Variants in EBF2 observed in about 807,000 individuals in gnomAD.
EBF2 encodes the protein EBF transcription factor 2.
A neutral mutation model predicts 72.8 loss-of-function variants in EBF2; 21 were observed. That is an observed-to-expected ratio of 0.29 (90% CI 0.20 to 0.42). The LOEUF (loss-of-function observed/expected upper bound fraction) is 0.42. Among genes scored for constraint, EBF2 ranks in the 10% least tolerant of loss-of-function variants. The probability of loss-of-function intolerance (pLI) is 1.00; values close to 1 mark genes in which losing one functional copy is unlikely to be tolerated. For synonymous variants in EBF2, 299 were observed against 274.2 expected (o/e 1.09, Z -0.89); for missense variants, 637 against 731.2 (o/e 0.87, Z 1.49).
At chr8:25,864,104 C>T (rs1802260494) in intron 10 of EBF2, among the ~76,000 whole-genome samples, 1 of 152,072 alleles carries the variant, frequency 6.6e-6, no homozygotes, top group South Asian at 2.1e-4. Context: ...TTGTGCATAA[C>T]TTTAATTATT....
chr8:26,034,015 C>G (rs189057988), intron 5 of EBF2, among the ~76,000 whole-genome samples: 1 of 151,962 alleles, frequency 6.6e-6, no homozygotes, highest in Admixed American at 6.6e-5. Context: ...GATTGATATT[C>G]AATGATTTTA....
At chr8:25,844,787 T>G in intron 15 of EBF2, 147 bp from the exon 16 acceptor site, 1 of 1,018,784 alleles carries the variant, frequency 9.8e-7, no homozygotes, top group Non-Finnish European at 1.5e-6. Context: ...GGACCTGTTC[T>G]CCAGGTTTGG....
At chr8:25,998,633 G>A (rs1393990497) in intron 6 of EBF2, among the ~76,000 whole-genome samples, 1 of 152,148 alleles carries the variant, frequency 6.6e-6, no homozygotes, top group Non-Finnish European at 1.5e-5. Context: ...GTCATTTAAT[G>A]TCATTTTATG....
At chr8:25,986,090 G>T (rs1330077708) in intron 6 of EBF2, among the ~76,000 whole-genome samples, 1 of 147,172 alleles carries the variant, frequency 6.8e-6, no homozygotes, top group African/African-American at 2.5e-5. Context: ...CTTAAGATAT[G>T]CATTTATTTG....
At chr8:25,932,478 C>A (rs1296788269) in intron 6 of EBF2, among the ~76,000 whole-genome samples, 1 of 151,852 alleles carries the variant, frequency 6.6e-6, no homozygotes, top group Non-Finnish European at 1.5e-5. Flanking sequence ...TTTGTGTTTT[C>A]ATCCTCGTTG....
intron 6 of EBF2, among the ~76,000 whole-genome samples, chr8:25,913,907 C>T (rs564947803): frequency 6.6e-6 from 1 of 152,334 alleles, no homozygotes; most frequent in South Asian, 2.1e-4. Context: ...AATTGAGTTT[C>T]ATTGTTTGTG....
chr8:25,874,832 A>G (rs1802494112), intron 10 of EBF2, among the ~76,000 whole-genome samples: 2 of 147,218 alleles, frequency 1.4e-5, no homozygotes, highest in East Asian at 4.0e-4. Flanking sequence ...CTACAAGCCC[A>G]TGCCCCACCA....
chr8:25,914,473 G>A (rs1397146347), intron 6 of EBF2, among the ~76,000 whole-genome samples: 2 of 152,172 alleles, frequency 1.3e-5, no homozygotes, highest in Admixed American at 6.6e-5. Flanking sequence ...AGGCTACAAA[G>A]GGCCCTGAAG....
intron 7 of EBF2, among the ~76,000 whole-genome samples, chr8:25,900,216 G>A (rs115311655): frequency 0.014 from 2,079 of 152,234 alleles, 51 homozygotes; most frequent in African/African-American, 0.046. Flanking sequence ...AACAATTTGC[G>A]AAGCCAAGGC....
Position 26,033,077 on chromosome 8 carries a change from C to A in EBF2, c.551+8G>T, listed in dbSNP as rs949230961. 2.5e-6 allele frequency: 4 copies of A among 1,613,476 alleles called. No individual in the cohort carries two copies. Among genetic ancestry groups the A allele is most frequent in the Non-Finnish European group, 3.4e-6 (4 of 1,179,526 alleles). ...AAAAATGATTGAAAAATCACTTTTTCCCCCTACCTGTCAATTATGACTGGG... is the reference window on the plus strand; with the variant it reads ...AAAAATGATTGAAAAATCACTTTTTACCCCTACCTGTCAATTATGACTGGG... On this transcript the variant is annotated splice_region_variant and intron_variant, in intron 6 of 15. Transcript: ENST00000520164.
chr8:26,003,424 A>G (rs1017853677), intron 6 of EBF2, among the ~76,000 whole-genome samples: 1 of 152,148 alleles, frequency 6.6e-6, no homozygotes, highest in Non-Finnish European at 1.5e-5. Flanking sequence ...TCCCCAAAAG[A>G]AGGAGATGAA....
rs144709529 is a variant in EBF2 at position 25,858,729 on chromosome 8, G to A, written c.1343-225C>T. Among the ~76,000 whole-genome samples, 1,274 of 140,672 alleles carry A rather than the reference G, an allele frequency of 9.1e-3. 20 individuals carry two copies. Among genetic ancestry groups the A allele is most frequent in the African/African-American group, 0.031 (1,196 of 38,034 alleles). The allele number at this position is 140,672 out of a possible 152,430, so 92.3% of individuals were successfully genotyped here. ...GGCTGGAGTACAGTGGCACGATCTT[G>A]GCTCACTGCAACCTCTGCTGCCCGG... is the stretch of plus-strand genomic sequence containing the variant. On this transcript the variant is annotated intron_variant, in intron 13 of 15. Coordinates refer to ENST00000520164, the MANE Select transcript of EBF2 (RefSeq NM_022659.4).
intron 6 of EBF2, among the ~76,000 whole-genome samples, chr8:25,949,233 G>C (rs1803818282): frequency 6.6e-6 from 1 of 152,216 alleles, no homozygotes; most frequent in Admixed American, 6.5e-5. Context: ...TACACAGCTA[G>C]AAAGAAGTGG....
At chr8:25,889,903 G>A in intron 7 of EBF2, 34 bp from the exon 8 acceptor site, 2 of 1,573,522 alleles carry the variant, frequency 1.3e-6, no homozygotes, top group Non-Finnish European at 1.7e-6. Context: ...GAAAGGGGGT[G>A]CAGTGGAATT....
At position 25,842,635 on chromosome 8, in the gene EBF2, C is replaced by A. The variant is rs1430110747; in HGVS notation, c.*1974G>T. 1 of 152,064 alleles carries A rather than the reference C, an allele frequency of 6.6e-6. No homozygotes were observed. The highest frequency in any genetic ancestry group is 2.4e-5 in the African/African-American group (1 of 41,400). 9.4% of individuals were successfully genotyped at this position (152,064 alleles called of 1,614,324 possible). On this transcript the variant is annotated 3_prime_UTR_variant, in exon 16 of 16. Transcript: ENST00000520164. ...TTCCGTGTATTTTGGCGCTTTAAGC[C>A]CTGACTATGAGGGACTGTCAGCAGT...
chr8:25,847,746 T>A (rs1345988229), intron 15 of EBF2, among the ~76,000 whole-genome samples: 1 of 152,150 alleles, frequency 6.6e-6, no homozygotes, highest in Non-Finnish European at 1.5e-5. Context: ...TGGCCAGCAC[T>A]CTTCCAGTGG....
At chr8:25,923,363 T>C (rs1003137571) in intron 6 of EBF2, among the ~76,000 whole-genome samples, 6 of 152,132 alleles carry the variant, frequency 3.9e-5, no homozygotes, top group African/African-American at 1.2e-4. Flanking sequence ...ATTCCACCAT[T>C]CCTCCTGGTA....
intron 10 of EBF2, among the ~76,000 whole-genome samples, chr8:25,878,408 C>T (rs1802557169): frequency 6.6e-6 from 1 of 152,156 alleles, no homozygotes; most frequent in African/African-American, 2.4e-5. Flanking sequence ...CCATGGCTCT[C>T]CAGGTGACCA....
intron 5 of EBF2, among the ~76,000 whole-genome samples, chr8:26,034,930 T>G (rs1563215129): frequency 6.6e-6 from 1 of 152,196 alleles, no homozygotes. Context: ...GCTTCACAAA[T>G]TTAGTCAAAT....
Sources: gnomAD v4.1 joint callset for allele counts (sites outside exome capture counted in the v4.1 genomes callset) on GRCh38, gnomAD v4.1.1 for gene constraint, MANE v1.5 for transcripts, NCBI Gene and HGNC (gene_info 2026-07-23, HGNC 2026-07-21) for gene names.